The following COX5A variants were observed in gnomAD, a reference collection of about 807,000 sequenced individuals.
The protein encoded by COX5A is cytochrome c oxidase subunit 5A, mitochondrial.
In COX5A, 6 loss-of-function variants were observed where a neutral mutation model predicts 16.1. That is an observed-to-expected ratio of 0.37 (90% CI 0.20 to 0.73). COX5A has a LOEUF of 0.73. Among genes scored for constraint, COX5A ranks in the 30% least tolerant of loss-of-function variants. The pLI, the probability that COX5A is intolerant of heterozygous loss-of-function variation, is 0.50. For missense variants in COX5A, 159 were observed against 194.9 expected (o/e 0.82, Z 1.10); for synonymous variants, 73 against 73.8 (o/e 0.99, Z 0.06).
chr15:74,935,630 A>G (rs1211013146), intron 1 of COX5A, among the ~76,000 whole-genome samples: 1 of 151,700 alleles, frequency 6.6e-6, no homozygotes, highest in Admixed American at 6.6e-5. Flanking sequence ...TAAATAAATA[A>G]AAAATTTTTT....
chr15:74,925,205 CAGA>C (rs1438646739), intron 3 of COX5A, among the ~76,000 whole-genome samples: 1 of 151,506 alleles, frequency 6.6e-6, no homozygotes, highest in Non-Finnish European at 1.5e-5. Context: ...GAGGCTGAGG[CAGA>C]AGAATTGCTT....
chr15:74,929,123 C>T lies in COX5A; in HGVS notation c.210G>A (p.Leu70=), dbSNP rs1002612732. 2 of 1,605,666 alleles carry T rather than the reference C, an allele frequency of 1.2e-6. No individual in the cohort carries two copies. The highest frequency in any genetic ancestry group is 1.3e-5 in the African/African-American group (1 of 74,802). ...TGTTTATGTTCCAATTACCTTTACG[C>T]AATTCCCAGGCATCTATATCTGGCT... ...FNKPDIDAWE[L]RKGINTLVTY... Residue 70 remains leucine, a synonymous_variant, in exon 2 of 5, where the codon TTG becomes TTA. Coordinates refer to ENST00000322347, the MANE Select transcript of COX5A (RefSeq NM_004255.4).
At chr15:74,929,064 G>A in intron 2 of COX5A, 52 bp downstream of exon 2, 1 of 1,225,970 alleles carries the variant, frequency 8.2e-7, no homozygotes, top group East Asian at 2.3e-5. Context: ...AGGAGCAGAA[G>A]CAGTTCATAT....
chr15:74,933,275 G>A (rs775500960), intron 1 of COX5A, among the ~76,000 whole-genome samples: 21 of 151,916 alleles, frequency 1.4e-4, no homozygotes, highest in Non-Finnish European at 2.1e-4. Flanking sequence ...TTAGCCAGGC[G>A]TGGTGGCACA....
chr15:74,938,056 G>T lies in COX5A; in HGVS notation c.-42C>A. 1 of 1,191,804 alleles carries T rather than the reference G, an allele frequency of 8.4e-7. No homozygotes were observed. The highest frequency in any genetic ancestry group is 1.0e-6 in the Non-Finnish European group (1 of 952,878). 73.8% of individuals were successfully genotyped at this position (1,191,804 alleles called of 1,614,324 possible). A position where few individuals can be genotyped will look rare whatever the true frequency, so the allele number is the denominator to read the frequency against. Reference sequence around the variant, plus strand: ...CGCGGGCTGAGGACAGAGAGAAGCCGGTGTAAGCTCGCGGGTTGCTCCGGA... The same window carrying T: ...CGCGGGCTGAGGACAGAGAGAAGCCTGTGTAAGCTCGCGGGTTGCTCCGGA... On this transcript the variant is annotated 5_prime_UTR_variant, in exon 1 of 5. Transcript: ENST00000322347.
chr15:74,924,363 C>A (rs2065334419), intron 3 of COX5A, among the ~76,000 whole-genome samples: 1 of 151,850 alleles, frequency 6.6e-6, no homozygotes, highest in Admixed American at 6.6e-5. Flanking sequence ...ATGGTGAAAC[C>A]CCGTCTCTAC....
At chr15:74,933,161 C>A (rs1228644480) in intron 1 of COX5A, among the ~76,000 whole-genome samples, 6 of 151,690 alleles carry the variant, frequency 4.0e-5, no homozygotes, top group Non-Finnish European at 7.4e-5. Flanking sequence ...CACCTGTAAT[C>A]CCAGCACTTT....
intron 1 of COX5A, among the ~76,000 whole-genome samples, chr15:74,934,607 A>C (rs1303461956): frequency 6.6e-6 from 1 of 152,232 alleles, no homozygotes; most frequent in East Asian, 1.9e-4. Context: ...CTGGGATTAC[A>C]GGCGTGAGCC....
intron 1 of COX5A, among the ~76,000 whole-genome samples, chr15:74,929,716 A>G (rs1374938519): frequency 6.6e-6 from 1 of 152,154 alleles, no homozygotes; most frequent in African/African-American, 2.4e-5. Flanking sequence ...GGGTGCTAAC[A>G]ATATGACAGA....
At chr15:74,930,438 AAAC>A (rs1171139920) in intron 1 of COX5A, among the ~76,000 whole-genome samples, 7 of 143,574 alleles carry the variant, frequency 4.9e-5, no homozygotes, top group Admixed American at 1.4e-4. Context: ...AAAAGACAAT[AAAC>A]AACAACAACA....
In COX5A at chr15:74,920,361, A is replaced by G; in HGVS notation, c.*91T>C. 1.4e-6 allele frequency: 1 copy of G among 689,786 alleles called. No individual in the cohort carries two copies. Among genetic ancestry groups the G allele is most frequent in the South Asian group, 1.6e-5 (1 of 63,068 alleles). 42.7% of individuals were successfully genotyped at this position (689,786 alleles called of 1,614,324 possible). ...TCAATAAAGGAAAACTTGTTCAAAT[A>G]AGGTAATATGTTATCATCAGTATTT... On this transcript the variant is annotated 3_prime_UTR_variant, in exon 5 of 5. Transcript: ENST00000322347.
chr15:74,928,718 C>A (rs1275073573), intron 2 of COX5A, among the ~76,000 whole-genome samples: 1 of 152,130 alleles, frequency 6.6e-6, no homozygotes, highest in Non-Finnish European at 1.5e-5. Flanking sequence ...AAAACTGTTA[C>A]CTTTTGCTCA....
intron 1 of COX5A, among the ~76,000 whole-genome samples, chr15:74,932,735 C>T (rs182607733): frequency 1.3e-5 from 2 of 149,950 alleles, no homozygotes; most frequent in Non-Finnish European, 1.5e-5. Context: ...CTCACCCTGT[C>T]GCCCAGGCTG....
chr15:74,927,493 A>G (rs945107744), intron 2 of COX5A, among the ~76,000 whole-genome samples: 1 of 152,034 alleles, frequency 6.6e-6, no homozygotes, highest in African/African-American at 2.4e-5. Flanking sequence ...TTTAACTCTT[A>G]GTACAATGAA....
chr15:74,927,727 G>A (rs1362779570), intron 2 of COX5A, among the ~76,000 whole-genome samples: 1 of 151,932 alleles, frequency 6.6e-6, no homozygotes, highest in Non-Finnish European at 1.5e-5. Context: ...AGCTGAGATC[G>A]CGCCATTGCA....
At chr15:74,932,584 C>CA in intron 1 of COX5A, among the ~76,000 whole-genome samples, 1 of 151,698 alleles carries the variant, frequency 6.6e-6, no homozygotes, top group Middle Eastern at 3.4e-3. Context: ...GGAAGAGTAG[C>CA]AAAAAAACGA....
Position 74,937,619 on chromosome 15 carries a change from T to C in COX5A, c.100+296A>G, listed in dbSNP as rs551686517. ...CCGCAGGGTCGGCGCTGGGGCAGGG[T>C]CATGGCCCGGGAACCGAAGGGGAGC... is the stretch of plus-strand genomic sequence containing the variant. On this transcript the variant is annotated intron_variant, in intron 1 of 4. Coordinates refer to ENST00000322347, the MANE Select transcript of COX5A (RefSeq NM_004255.4). 488 of 242,402 alleles carry C rather than the reference T, an allele frequency of 2.0e-3. 2 individuals carry two copies. Among genetic ancestry groups the C allele is most frequent in the African/African-American group, 0.01 (460 of 44,398 alleles). 15.0% of individuals were successfully genotyped at this position (242,402 alleles called of 1,614,324 possible). A position where few individuals can be genotyped will look rare whatever the true frequency, so the allele number is the denominator to read the frequency against.
chr15:74,921,813 C>G (rs964047559), intron 4 of COX5A, among the ~76,000 whole-genome samples: 1 of 152,102 alleles, frequency 6.6e-6, no homozygotes, highest in African/African-American at 2.4e-5. Flanking sequence ...TCTTTAAGTA[C>G]TCACAGAAGT....
intron 2 of COX5A, among the ~76,000 whole-genome samples, chr15:74,928,828 C>T (rs372803017): frequency 4.6e-5 from 7 of 152,114 alleles, no homozygotes; most frequent in South Asian, 2.1e-4. Flanking sequence ...TGTCATGATA[C>T]GAATGTGTGC....
Sources: allele counts gnomAD v4.1 joint callset (sites outside exome capture counted in the v4.1 genomes callset), GRCh38; gene constraint gnomAD v4.1.1; transcripts MANE v1.5; gene names NCBI Gene and HGNC (gene_info 2026-07-23, HGNC 2026-07-21).